PCDH15: variants seen among roughly 807,000 people sequenced by gnomAD.
PCDH15 encodes the protein protocadherin-15.
Under a neutral mutation model 178.5 loss-of-function variants are expected in PCDH15, and 129 were observed. The ratio of observed to expected loss-of-function variants is 0.72; its 90% confidence interval spans 0.63 to 0.84. The LOEUF (loss-of-function observed/expected upper bound fraction) is 0.84. Among genes scored for constraint, PCDH15 ranks in the 40% least tolerant of loss-of-function variants. PCDH15 has a pLI of 0.00. For missense variants in PCDH15, 2,230 were observed against 2,099.9 expected (o/e 1.06, Z -1.21); for synonymous variants, 800 against 732.0 (o/e 1.09, Z -1.50).
chr10:53,916,765 T>C (rs2133834383), intron 25 of PCDH15, among the ~76,000 whole-genome samples: 1 of 152,284 alleles, frequency 6.6e-6, no homozygotes, highest in East Asian at 1.9e-4. Context: ...TGAGGTAAAG[T>C]TTCTTATTCA....
At chr10:55,388,541 G>A (rs1280166092) in intron 2 of PCDH15, among the ~76,000 whole-genome samples, 1 of 151,988 alleles carries the variant, frequency 6.6e-6, no homozygotes, top group African/African-American at 2.4e-5. Flanking sequence ...CAAATTAACA[G>A]GGTTTTTAGA....
At chr10:53,978,548 T>G (rs2090373907) in intron 21 of PCDH15, among the ~76,000 whole-genome samples, 1 of 152,068 alleles carries the variant, frequency 6.6e-6, no homozygotes, top group South Asian at 2.1e-4. Flanking sequence ...GCTGTGAATG[T>G]CTCTGACATG....
At chr10:54,210,371 A>G (rs946734036) in intron 10 of PCDH15, among the ~76,000 whole-genome samples, 1 of 152,096 alleles carries the variant, frequency 6.6e-6, no homozygotes, top group African/African-American at 2.4e-5. Context: ...TTTATTAAGC[A>G]GCTTCTATGT....
chr10:54,153,344 A>C, intron 13 of PCDH15, 51 bp from the exon 14 acceptor site: 2 of 1,597,982 alleles, frequency 1.3e-6, no homozygotes, highest in Non-Finnish European at 1.7e-6. Context: ...ACTTTTCACC[A>C]CCATGTCGTT....
At chr10:54,251,903 T>G (rs1429190050) in intron 8 of PCDH15, among the ~76,000 whole-genome samples, 1 of 152,166 alleles carries the variant, frequency 6.6e-6, no homozygotes, top group Non-Finnish European at 1.5e-5. Flanking sequence ...ATTTTATTTC[T>G]TATCCAAACT....
chr10:54,107,091 TATTA>T (rs1350945534), intron 15 of PCDH15, among the ~76,000 whole-genome samples: 1 of 152,228 alleles, frequency 6.6e-6, no homozygotes, highest in African/African-American at 2.4e-5. Context: ...TTATACATGG[TATTA>T]ATTTTCACGT....
At chr10:54,110,596 C>T (rs12413011) in intron 15 of PCDH15, among the ~76,000 whole-genome samples, 37,220 of 151,960 alleles carry the variant, frequency 0.24, 5,815 homozygotes, top group East Asian at 0.86. Flanking sequence ...TATCAAAATC[C>T]GAATGAACTA....
Position 54,896,605 on chromosome 10 carries a change from T to C in PCDH15, c.-29+845A>G, listed in dbSNP as rs544734644. 5.3e-5 allele frequency among the ~76,000 whole-genome samples: 8 copies of C among 151,920 alleles called. No homozygotes were observed. In the East Asian group the frequency reaches 1.5e-3, roughly 29 times the overall value. On this transcript the variant is annotated intron_variant, in intron 3 of 5. Transcript: ENST00000458638. ...CAATAAGATGTTTTTTTAAAAAATG[T>C]TTCTTCTCCTTAAGTTTTCCTAAAA...
intron 1 of PCDH15, among the ~76,000 whole-genome samples, chr10:54,710,311 CAATA>C (rs2095415643): frequency 6.6e-6 from 1 of 151,896 alleles, no homozygotes; most frequent in African/African-American, 2.4e-5. Flanking sequence ...ACTGAGAAAT[CAATA>C]AATAGTGCTG....
At chr10:54,485,706 C>T (rs190410314) in intron 3 of PCDH15, among the ~76,000 whole-genome samples, 10 of 152,060 alleles carry the variant, frequency 6.6e-5, no homozygotes, top group Non-Finnish European at 1.0e-4. Context: ...ATACAGATCA[C>T]GAGTTTTTAG....
chr10:53,810,892 GA>G (rs1396212591), intron 36 of PCDH15, among the ~76,000 whole-genome samples: 1 of 152,114 alleles, frequency 6.6e-6, no homozygotes, highest in Admixed American at 6.5e-5. Flanking sequence ...AAAGAGAGTT[GA>G]GTTATTTCAG....
intron 2 of PCDH15, among the ~76,000 whole-genome samples, chr10:54,907,787 T>C (rs1954750401): frequency 6.6e-6 from 1 of 152,194 alleles, no homozygotes; most frequent in Non-Finnish European, 1.5e-5. Flanking sequence ...ACTGCAACCC[T>C]TTTAAATTCC....
chr10:55,378,877 ATCTC>A (rs67020951), intron 2 of PCDH15, among the ~76,000 whole-genome samples: 16,560 of 123,998 alleles, frequency 0.13, 1,006 homozygotes, highest in East Asian at 0.18. Flanking sequence ...AACTCTCCCC[ATCTC>A]TCTCTCTCTC....
At position 55,510,723 on chromosome 10, in the gene PCDH15, A is replaced by G. The variant is rs548495097; in HGVS notation, c.-156+116902T>C. On this transcript the variant is annotated intron_variant, in intron 2 of 5. Transcript: ENST00000613346. ...ATTTTTCCTTCTGCTGAGACCTCAAACTAATTATCCTCCTTGTATCAAACA... is the reference window on the plus strand; with the variant it reads ...ATTTTTCCTTCTGCTGAGACCTCAAGCTAATTATCCTCCTTGTATCAAACA... 2.4e-4 allele frequency among the ~76,000 whole-genome samples: 37 copies of G among 151,794 alleles called. No individual in the cohort carries two copies. The South Asian group carries it at 7.1e-3, about 29-fold the overall frequency.
chr10:54,834,675 C>T (rs945902697), intron 3 of PCDH15, among the ~76,000 whole-genome samples: 1 of 152,094 alleles, frequency 6.6e-6, no homozygotes, highest in African/African-American at 2.4e-5. Context: ...GAAACAAACA[C>T]TCTATACTAT....
At position 53,802,953 on chromosome 10, in the gene PCDH15, T is replaced by C. The variant is rs1026312002; in HGVS notation, c.*3626A>G. On this transcript the variant is annotated 3_prime_UTR_variant, in exon 38 of 38. Transcript: ENST00000644397. Reference sequence around the variant, plus strand: ...TAGATTTTTCAAACTATAGACAATGTTCGAATCTTCCATACATGTGCTTAA... The same window carrying C: ...TAGATTTTTCAAACTATAGACAATGCTCGAATCTTCCATACATGTGCTTAA... 6.6e-6 allele frequency: 1 copy of C among 151,914 alleles called. No homozygotes were observed. Among genetic ancestry groups the C allele is most frequent in the Non-Finnish European group, 1.5e-5 (1 of 67,852 alleles). The allele number at this position is 151,914 out of a possible 1,614,324, so 9.4% of individuals were successfully genotyped here.
At chr10:55,106,313 T>C (rs1842673256) in intron 2 of PCDH15, among the ~76,000 whole-genome samples, 1 of 152,244 alleles carries the variant, frequency 6.6e-6, no homozygotes, top group African/African-American at 2.4e-5. Context: ...TAAGGGTTTC[T>C]GTTGTTAGAC....
At chr10:54,514,031 G>C (rs1000817162) in intron 3 of PCDH15, among the ~76,000 whole-genome samples, 2 of 152,110 alleles carry the variant, frequency 1.3e-5, no homozygotes, top group Admixed American at 1.3e-4. Flanking sequence ...ACAAAATTCT[G>C]TCTTTTTATA....
intron 2 of PCDH15, among the ~76,000 whole-genome samples, chr10:55,512,693 T>C (rs1840913064): frequency 6.6e-6 from 1 of 152,118 alleles, no homozygotes; most frequent in Non-Finnish European, 1.5e-5. Context: ...GATTGTTTTC[T>C]AGCCACAGGG....
Sources: allele counts gnomAD v4.1 joint callset (sites outside exome capture counted in the v4.1 genomes callset), GRCh38; gene constraint gnomAD v4.1.1; transcripts MANE v1.5; gene names NCBI Gene and HGNC (gene_info 2026-07-23, HGNC 2026-07-21).